Variants in PAK4 observed in about 807,000 individuals in gnomAD.
PAK4 encodes p21 (RAC1) activated kinase 4.
PAK4 carries 49 observed loss-of-function variants against 53.5 expected under a neutral mutation model. That is an observed-to-expected ratio of 0.92 (90% CI 0.73 to 1.16). The LOEUF (loss-of-function observed/expected upper bound fraction) is 1.16, where lower values mean the gene tolerates loss of function less well. Ranked by LOEUF, PAK4 falls within the 50% of genes most tolerant of loss-of-function variation. The pLI, the probability that PAK4 is intolerant of heterozygous loss-of-function variation, is 0.00. For synonymous variants in PAK4, 376 were observed against 375.6 expected, an observed-to-expected ratio of 1.00 and a Z score of -0.01; for missense variants, 824 against 850.7, an observed-to-expected ratio of 0.97 and a Z score of 0.39.
intron 1 of PAK4, among the ~76,000 whole-genome samples, chr19:39,148,480 T>C: frequency 8.5e-6 from 1 of 117,598 alleles, no homozygotes; most frequent in South Asian, 3.0e-4. Context: ...TTTTTTTTTT[T>C]TTTTTTTGAG....
intron 1 of PAK4, among the ~76,000 whole-genome samples, chr19:39,133,591 C>T (rs540467276): frequency 2.6e-5 from 4 of 152,312 alleles, no homozygotes; most frequent in Admixed American, 2.6e-4. Flanking sequence ...GGTTACAAAG[C>T]TCTCCCTCCT....
At chr19:39,171,053 T>C (rs1362863719) in intron 2 of PAK4, among the ~76,000 whole-genome samples, 2 of 152,244 alleles carry the variant, frequency 1.3e-5, no homozygotes, top group East Asian at 1.9e-4. Context: ...TTGCCAGATG[T>C]GAGGCCTGCC....
At chr19:39,174,177 C>T (rs558492922) in intron 4 of PAK4, among the ~76,000 whole-genome samples, 167 bp downstream of exon 5, 81 of 151,680 alleles carry the variant, frequency 5.3e-4, no homozygotes, top group African/African-American at 1.9e-3. Context: ...AGCTGGGTCC[C>T]TGCCTCTGTC....
chr19:39,135,982 G>A (rs1461629059), intron 1 of PAK4, among the ~76,000 whole-genome samples: 1 of 149,862 alleles, frequency 6.7e-6, no homozygotes, highest in Non-Finnish European at 1.5e-5. Flanking sequence ...CCTCTTCCTT[G>A]TCACTCCCCT....
chr19:39,128,226 C>T (rs1175145524), intron 1 of PAK4, among the ~76,000 whole-genome samples: 1 of 152,188 alleles, frequency 6.6e-6, no homozygotes, highest in Non-Finnish European at 1.5e-5. Context: ...GAGCCTTGGC[C>T]CAAGGCCTGG....
At position 39,174,101 on chromosome 19, in the gene PAK4, CCG is replaced by C. The variant is rs2074553014; in HGVS notation, c.1098+92_1098+93del. The C allele has an allele frequency of 6.5e-5, 55 of 846,070 alleles. 1 individual carries two copies. In the South Asian group the frequency reaches 8.8e-4, roughly 13 times the overall value. The allele number at this position is 846,070 out of a possible 1,614,324, so 52.4% of individuals were successfully genotyped here. The stretch of plus-strand genomic sequence containing the variant: ...TCCTCCCTCCTCTCCCTGCACTCCT[CCG>C]TGCTGGGCCAGGCTCCCCTCCTCCC... On this transcript the variant is annotated intron_variant, in intron 4 of 8. Coordinates refer to ENST00000358301, the Ensembl canonical transcript of PAK4.
intron 7 of PAK4, among the ~76,000 whole-genome samples, chr19:39,177,033 T>C (rs1341586012): frequency 6.6e-6 from 1 of 152,138 alleles, no homozygotes; most frequent in Non-Finnish European, 1.5e-5. Flanking sequence ...CATGCCTGGC[T>C]AATTTTTGTA....
Position 39,175,458 on chromosome 19 carries a change from G to C in PAK4, c.1359+20G>C. 6.3e-7 allele frequency: 1 copy of C among 1,597,034 alleles called. No individual in the cohort carries two copies. Among genetic ancestry groups the C allele is most frequent in the Non-Finnish European group, 8.5e-7 (1 of 1,171,488 alleles). On this transcript the variant is annotated intron_variant, in intron 6 of 8. Coordinates refer to ENST00000358301, the Ensembl canonical transcript of PAK4. This position sits in a 1 kb window ranked among gnomAD's most constrained non-coding sequence, Gnocchi z 4.7. ...GGCAGGGTGAGGGGACGGGCGGCGG[G>C]GTACGGGGGCGGCAGGTTTCCGGCT... is the stretch of plus-strand genomic sequence containing the variant.
chr19:39,174,041 G>A (rs912882857), intron 4 of PAK4, 31 bp downstream of exon 5: 22 of 1,441,706 alleles, frequency 1.5e-5, no homozygotes, highest in Non-Finnish European at 2.1e-5. Flanking sequence ...CCGCCCTGCT[G>A]GTCCTCCCAC....
At chr19:39,165,355 A>G (rs2074355277) in intron 1 of PAK4, among the ~76,000 whole-genome samples, 1 of 147,190 alleles carries the variant, frequency 6.8e-6, no homozygotes, top group Non-Finnish European at 1.5e-5. Context: ...ACAAAAAAAA[A>G]AAAAAAAAAA....
chr19:39,127,402 C>T (rs1356056267), intron 1 of PAK4, among the ~76,000 whole-genome samples: 1 of 152,094 alleles, frequency 6.6e-6, no homozygotes, highest in Non-Finnish European at 1.5e-5. Context: ...GTCGCTCACT[C>T]TCAGCTGGCC....
chr19:39,138,692 T>C (rs2073861443), intron 1 of PAK4, among the ~76,000 whole-genome samples: 1 of 152,230 alleles, frequency 6.6e-6, no homozygotes, highest in Admixed American at 6.5e-5. Flanking sequence ...TCTTCCCTGG[T>C]ACCGCCCCTG....
At chr19:39,154,935 A>AC (rs1487782158) in intron 1 of PAK4, among the ~76,000 whole-genome samples, 1 of 152,170 alleles carries the variant, frequency 6.6e-6, no homozygotes, top group Admixed American at 6.5e-5. Flanking sequence ...CAGGGGGTGG[A>AC]CAGAGGTGGG....
rs900376040 is a variant in PAK4, at chr19:39,176,220, A to C, written c.1360-370A>C. Among the ~76,000 whole-genome samples, 3 of 152,282 alleles carry C rather than the reference A, an allele frequency of 2.0e-5. No individual in the cohort carries two copies. The East Asian group carries it at 5.8e-4, about 29-fold the overall frequency. ...TAGTGCAGGGCTACTTTCTGCTCCA[A>C]CCGAACTAAAGACTTGTTCCAGGGC... is the stretch of plus-strand genomic sequence containing the variant. On this transcript the variant is annotated intron_variant, in intron 6 of 8. Coordinates refer to ENST00000358301, the Ensembl canonical transcript of PAK4.
chr19:39,126,812 C>A (rs12609418), intron 1 of PAK4, among the ~76,000 whole-genome samples: 1 of 151,990 alleles, frequency 6.6e-6, no homozygotes, highest in Non-Finnish European at 1.5e-5. Context: ...TATTTCACTC[C>A]TGCTGCAATC....
At chr19:39,135,279 A>G (rs1600308547) in intron 1 of PAK4, 1 of 145,838 alleles carries the variant, frequency 6.9e-6, no homozygotes, top group African/African-American at 2.6e-5. Context: ...GCTCCTGTCC[A>G]TTCCGACTCT....
chr19:39,130,198 AGCGGGG>A (rs2073678192), intron 1 of PAK4, among the ~76,000 whole-genome samples: 5 of 76,990 alleles, frequency 6.5e-5, no homozygotes, highest in African/African-American at 1.3e-4. Flanking sequence ...GCGGGATGGG[AGCGGGG>A]ACCCAGGCAG....
chr19:39,141,645 TGTTGTTTGAGACAGA>T (rs1451252517), intron 1 of PAK4, among the ~76,000 whole-genome samples: 1 of 150,258 alleles, frequency 6.7e-6, no homozygotes, highest in Non-Finnish European at 1.5e-5. Context: ...TTTTTGTTGT[TGTTGTTTGAGACAGA>T]GTCTCACTCT....
chr19:39,147,459 C>T (rs1192490597), intron 1 of PAK4, among the ~76,000 whole-genome samples: 1 of 152,164 alleles, frequency 6.6e-6, no homozygotes, highest in African/African-American at 2.4e-5. Context: ...CACTATAAAC[C>T]TCGACAAAGA....
Sources: allele counts gnomAD v4.1 joint callset (sites outside exome capture counted in the v4.1 genomes callset), GRCh38; gene constraint gnomAD v4.1.1; non-coding constraint Gnocchi (gnomAD v3.1); transcripts MANE v1.5; gene names NCBI Gene and HGNC (gene_info 2026-07-23, HGNC 2026-07-21).